PCDHGC4: variants seen among roughly 807,000 people sequenced by gnomAD.
The protein encoded by PCDHGC4 is protocadherin gamma subfamily C, 4.
In PCDHGC4, 15 loss-of-function variants were observed where a neutral mutation model predicts 59.7. The ratio of observed to expected loss-of-function variants is 0.25; its 90% CI spans 0.17 to 0.39. The LOEUF (loss-of-function observed/expected upper bound fraction) is 0.39, where lower values mean the gene tolerates loss of function less well. Among genes scored for constraint, PCDHGC4 ranks in the 10% least tolerant of loss-of-function variants. The pLI, the probability that PCDHGC4 is intolerant of heterozygous loss-of-function variation, is 1.00. For synonymous variants in PCDHGC4, 434 were observed against 481.4 expected, an observed-to-expected ratio of 0.90 and a Z score of 1.29; for missense variants, 1,016 against 1,189.5, an observed-to-expected ratio of 0.85 and a Z score of 2.15.
rs117345436 is a variant in PCDHGC4 at position 141,492,015 on chromosome 5, G to T, written c.2443-2792G>T. 1,356 of 600,608 alleles carry T rather than the reference G, an allele frequency of 2.3e-3. 40 individuals carry two copies. The East Asian group carries it at 0.038, about 17-fold the overall frequency. The allele number at this position is 600,608 out of a possible 1,614,324, so 37.2% of individuals were successfully genotyped here. A position where few individuals can be genotyped will look rare whatever the true frequency, so the allele number is the denominator to read the frequency against. ...ATTTCGGGCGATTTCCGCGGGTGTC[G>T]GGGGTCCCGGGAGGAGGCAGTCACA... On this transcript the variant is annotated intron_variant, in intron 1 of 3. Transcript: ENST00000306593.
In PCDHGC4 at chr5:141,486,157, AG is replaced by A. The variant is rs1562110605; in HGVS notation, c.985del (p.Ala329ProfsTer15). 1 of 1,614,208 alleles carries A rather than the reference AG, an allele frequency of 6.2e-7. No homozygotes were observed. Among genetic ancestry groups the A allele is most frequent in the Admixed American group, 1.7e-5 (1 of 60,026 alleles). On this transcript the variant is annotated frameshift_variant, in exon 1 of 4. Coordinates refer to ENST00000306593, the MANE Select transcript of PCDHGC4 (RefSeq NM_018928.3). LOFTEE classifies it high-confidence loss of function. This position sits in a 1 kb window ranked among gnomAD's most constrained non-coding sequence, Gnocchi z 5.0. ...TGCGGGCTCGCGATGGGGGTTCTCC[AG>A]CCATGGAGCAACATTGCAGCCTTCG... ...DVRARDGGSPAMEQHCSLRVD... is the reference protein window; with the variant it reads ...DVRARDGGSPXMEQHCSLRVD...
chr5:141,488,552 A>C (rs993681273), intron 1 of PCDHGC4, among the ~76,000 whole-genome samples: 1 of 152,194 alleles, frequency 6.6e-6, no homozygotes, highest in African/African-American at 2.4e-5. Context: ...GTCAGCTGAC[A>C]TTGAGATTTC....
rs994009107 is a variant in PCDHGC4 at position 141,490,364 on chromosome 5, G to A, written c.2442+2749G>A. ...ACAGTAGTGGGGTTGTTTAATGTGC[G>A]AGACCGGGACTCAGGTAGAAATGGT... On this transcript the variant is annotated intron_variant, in intron 1 of 3. Transcript: ENST00000306593. The surrounding 1 kb of genome is among the most constrained non-coding windows in gnomAD (Gnocchi z 5.4). 7 of 1,614,056 alleles carry A rather than the reference G, an allele frequency of 4.3e-6. No individual in the cohort carries two copies. In the African/African-American group the frequency reaches 5.3e-5, roughly 12 times the overall value.
rs745612756 is a variant in PCDHGC4 at position 141,487,150 on chromosome 5, T to C, written c.1977T>C (p.Val659=). The C allele has an allele frequency of 1.1e-5, 17 of 1,613,960 alleles. No individual in the cohort carries two copies. In the South Asian group the frequency reaches 1.6e-4, roughly 16 times the overall value. Residue 659 remains valine, a synonymous_variant, in exon 1 of 4, where the codon GTT becomes GTC. Transcript: ENST00000306593. This position sits in a 1 kb window ranked among gnomAD's most constrained non-coding sequence, Gnocchi z 5.0. The stretch of plus-strand genomic sequence containing the variant: ...GTAGTCCACCACTCTCTACCTCTGT[T>C]ACTCTCTTAGTGTCCTTAGAGGAAG... ...DSGSPPLSTS[V]TLLVSLEEDT...
In PCDHGC4 at chr5:141,511,028, T is replaced by G. The variant is rs1279056657; in HGVS notation, c.2672T>G (p.Leu891Arg). The G allele has an allele frequency of 3.7e-6, 6 of 1,614,084 alleles. No individual in the cohort carries two copies. The highest frequency in any genetic ancestry group is 1.7e-5 in the Admixed American group (1 of 60,004). ...LSARYGPQFT[L>R]QHVPDYRQNV... is the part of the protein sequence containing the mutation. The stretch of plus-strand genomic sequence containing the variant: ...GCCCGCTACGGACCCCAGTTCACCC[T>G]GCAGCACGTGCCCGACTACCGCCAG... Residue 891 changes from leucine to arginine, a missense_variant, in exon 4 of 4, where the codon CTG becomes CGG. Physicochemically the swap from Leu to Arg is moderately radical, Grantham distance 102. Transcript: ENST00000306593.
intron 2 of PCDHGC4, among the ~76,000 whole-genome samples, chr5:141,503,393 G>A (rs954734829): frequency 2.0e-5 from 3 of 151,824 alleles, no homozygotes; most frequent in African/African-American, 4.8e-5. Flanking sequence ...TCAGGAGTTC[G>A]AAACCAACCT....
chr5:141,509,550 T>C (rs1562240751), intron 3 of PCDHGC4, among the ~76,000 whole-genome samples: 1 of 152,142 alleles, frequency 6.6e-6, no homozygotes, highest in Non-Finnish European at 1.5e-5. Flanking sequence ...TCTCATTTAG[T>C]CCTCACAGCA....
rs1248867280 is a variant in PCDHGC4 at position 141,511,325 on chromosome 5, C to T, written c.*152C>T. 18 of 1,466,406 alleles carry T rather than the reference C, an allele frequency of 1.2e-5. No homozygotes were observed. Among genetic ancestry groups the T allele is most frequent in the Non-Finnish European group, 1.5e-5 (17 of 1,099,872 alleles). 90.8% of individuals were successfully genotyped at this position (1,466,406 alleles called of 1,614,324 possible). A position where few individuals can be genotyped will look rare whatever the true frequency, so the allele number is the denominator to read the frequency against. On this transcript the variant is annotated 3_prime_UTR_variant, in exon 4 of 4. Coordinates refer to ENST00000306593, the MANE Select transcript of PCDHGC4 (RefSeq NM_018928.3). ...TCCCCTTGGGAAACAGAAACAAGTG[C>T]CCAGTCAGCACCTACCCCTTCCCCC...
Position 141,486,772 on chromosome 5 carries a change from T to A in PCDHGC4, c.1599T>A (p.Phe533Leu). ...ATGAGCAAACCCAGACACTGCAGTT[T>A]GAGGTGCAGGCCCGGGATCGGGGCA... is the stretch of plus-strand genomic sequence containing the variant. ...FDYEQTQTLQ[F>L]EVQARDRGNP... The change falls in exon 1 of 4, where the codon TTT becomes TTA. Residue 533 changes from phenylalanine (F) to leucine (L), a missense_variant. Phe to Leu is a conservative substitution (Grantham distance 22). Coordinates refer to ENST00000306593, the MANE Select transcript of PCDHGC4 (RefSeq NM_018928.3). The surrounding 1 kb of genome is among the most constrained non-coding windows in gnomAD (Gnocchi z 5.0). 1 of 1,614,246 alleles carries A rather than the reference T, an allele frequency of 6.2e-7. No homozygotes were observed. Among genetic ancestry groups the A allele is most frequent in the South Asian group, 1.1e-5 (1 of 91,088 alleles).
chr5:141,511,267 C>G lies in PCDHGC4; in HGVS notation c.*94C>G. The G allele has an allele frequency of 6.5e-7, 1 of 1,549,404 alleles. No homozygotes were observed. The highest frequency in any genetic ancestry group is 8.7e-7 in the Non-Finnish European group (1 of 1,146,836). On this transcript the variant is annotated 3_prime_UTR_variant, in exon 4 of 4. Coordinates refer to ENST00000306593, the MANE Select transcript of PCDHGC4 (RefSeq NM_018928.3). Reference sequence around the variant, plus strand: ...CCAGGCCTCAGAGTTTCAGGGCTAACCCCCAGAATACTGGTAGGGGCCAAG... The same window carrying G: ...CCAGGCCTCAGAGTTTCAGGGCTAAGCCCCAGAATACTGGTAGGGGCCAAG...
At position 141,490,852 on chromosome 5, in the gene PCDHGC4, G is replaced by A. The variant is rs759198428; in HGVS notation, c.2442+3237G>A. 2 of 1,613,896 alleles carry A rather than the reference G, an allele frequency of 1.2e-6. No individual in the cohort carries two copies. Among genetic ancestry groups the A allele is most frequent in the Non-Finnish European group, 1.7e-6 (2 of 1,179,928 alleles). ...GCTGCAGATTGTGGTGGGGGTTCGA[G>A]ACTCCGGCTCTCCCCCATTGCATGC... On this transcript the variant is annotated intron_variant, in intron 1 of 3. Transcript: ENST00000306593. The surrounding 1 kb of genome is among the most constrained non-coding windows in gnomAD (Gnocchi z 5.4).
Position 141,491,509 on chromosome 5 carries a change from C to T in PCDHGC4, c.2443-3298C>T. 6.2e-7 allele frequency: 1 copy of T among 1,614,058 alleles called. No individual in the cohort carries two copies. Among genetic ancestry groups the T allele is most frequent in the Non-Finnish European group, 8.5e-7 (1 of 1,180,022 alleles). On this transcript the variant is annotated intron_variant, in intron 1 of 3. Coordinates refer to ENST00000306593, the MANE Select transcript of PCDHGC4 (RefSeq NM_018928.3). The surrounding 1 kb of genome is among the most constrained non-coding windows in gnomAD (Gnocchi z 6.9). Reference sequence around the variant, plus strand: ...CCTGCAGGTGAGCTCGGACGGCACGCTCAAGTACATGGAGGTGACGCTGCG... The same window carrying T: ...CCTGCAGGTGAGCTCGGACGGCACGTTCAAGTACATGGAGGTGACGCTGCG...
rs368105487 is a variant in PCDHGC4 at position 141,489,478 on chromosome 5, A to G, written c.2442+1863A>G. On this transcript the variant is annotated intron_variant, in intron 1 of 3. Transcript: ENST00000306593. This position sits in a 1 kb window ranked among gnomAD's most constrained non-coding sequence, Gnocchi z 4.5. Reference sequence around the variant, plus strand: ...TGGGCGCTATTTTTCCCTGAGCTTGATGAGTGGTGCCCTGGCAGTGAATCA... The same window carrying G: ...TGGGCGCTATTTTTCCCTGAGCTTGGTGAGTGGTGCCCTGGCAGTGAATCA... The G allele has an allele frequency of 1.1e-5, 18 of 1,613,956 alleles. No individual in the cohort carries two copies. The highest frequency in any genetic ancestry group is 1.5e-5 in the Non-Finnish European group (18 of 1,180,030).
In PCDHGC4 at chr5:141,486,705, A is replaced by T. The variant is rs2099633722; in HGVS notation, c.1532A>T (p.Asn511Ile). Residue 511 changes from asparagine (N) to isoleucine (I), a missense_variant, in exon 1 of 4, where the codon AAC (asparagine) becomes ATC (isoleucine). Transcript: ENST00000306593. This position sits in a 1 kb window ranked among gnomAD's most constrained non-coding sequence, Gnocchi z 5.0. ...DVSASSFISL[N>I]PQTGAVHATR... ...TCAGCTTCCTCTTTCATCTCTCTGA[A>T]CCCCCAGACAGGAGCTGTTCATGCT... The T allele has an allele frequency of 6.2e-7, 1 of 1,613,844 alleles. No individual in the cohort carries two copies. The highest frequency in any genetic ancestry group is 1.3e-5 in the African/African-American group (1 of 74,910).
Position 141,486,632 on chromosome 5 carries a change from A to G in PCDHGC4, c.1459A>G (p.Asn487Asp), listed in dbSNP as rs1304397413. The G allele has an allele frequency of 6.2e-7, 1 of 1,613,580 alleles. No individual in the cohort carries two copies. Among genetic ancestry groups the G allele is most frequent in the Non-Finnish European group, 8.5e-7 (1 of 1,180,040 alleles). ...AGCCTCTGACCCAGACTCTGGCTTG[A>G]ATGCGCTTATCTCCTACTCACTCCT... ...LAASDPDSGL[N>D]ALISYSLLEP... is the part of the protein sequence containing the mutation. The change falls in exon 1 of 4, where the codon AAT becomes GAT. Residue 487 changes from asparagine to aspartate, a missense_variant. By Grantham distance (23) the Asn-to-Asp change is conservative. Coordinates refer to ENST00000306593, the MANE Select transcript of PCDHGC4 (RefSeq NM_018928.3). This position sits in a 1 kb window ranked among gnomAD's most constrained non-coding sequence, Gnocchi z 5.0.
intron 3 of PCDHGC4, among the ~76,000 whole-genome samples, chr5:141,509,044 C>G (rs1385744160): frequency 1.3e-5 from 2 of 152,130 alleles, no homozygotes. Flanking sequence ...CCCTCTCCCC[C>G]GCCCCCAGAA....
At chr5:141,496,289 G>A (rs1347634489) in intron 2 of PCDHGC4, among the ~76,000 whole-genome samples, 3 of 152,224 alleles carry the variant, frequency 2.0e-5, no homozygotes, top group Non-Finnish European at 4.4e-5. Flanking sequence ...GGTCTGAGCA[G>A]AGTGGGATAG....
chr5:141,507,735 C>T (rs942364858), intron 3 of PCDHGC4, among the ~76,000 whole-genome samples: 3 of 152,268 alleles, frequency 2.0e-5, no homozygotes, highest in Non-Finnish European at 2.9e-5. Flanking sequence ...TCATGCAGCT[C>T]GTTCCCCTGT....
In PCDHGC4 at chr5:141,485,910, G is replaced by C. The variant is rs142273728; in HGVS notation, c.737G>C (p.Ser246Thr). Residue 246 changes from serine to threonine, a missense_variant, in exon 1 of 4, where the codon AGC becomes ACC. Transcript: ENST00000306593. The surrounding 1 kb of genome is among the most constrained non-coding windows in gnomAD (Gnocchi z 5.7). ...AACGCCCCAGCCTTCCAGCAATCCAGCTACAGGATTAGTGTGTTGGAGAGC... is the reference window on the plus strand; with the variant it reads ...AACGCCCCAGCCTTCCAGCAATCCACCTACAGGATTAGTGTGTTGGAGAGC... ...NDNAPAFQQSSYRISVLESAP... is the reference protein window; with the variant it reads ...NDNAPAFQQSTYRISVLESAP... The C allele has an allele frequency of 1.2e-6, 2 of 1,614,078 alleles. No homozygotes were observed. Among genetic ancestry groups the C allele is most frequent in the African/African-American group, 2.7e-5 (2 of 74,932 alleles).
Sources: allele counts gnomAD v4.1 joint callset (sites outside exome capture counted in the v4.1 genomes callset), GRCh38; gene constraint gnomAD v4.1.1; non-coding constraint Gnocchi (gnomAD v3.1); transcripts MANE v1.5; gene names NCBI Gene and HGNC (gene_info 2026-07-23, HGNC 2026-07-21).